The following UNC5D variants were observed in gnomAD, a reference collection of about 807,000 sequenced individuals.
UNC5D encodes the protein unc-5 netrin receptor D.
A neutral mutation model predicts 105.4 loss-of-function variants in UNC5D; 39 were observed. The ratio of observed to expected loss-of-function variants is 0.37; its 90% CI spans 0.29 to 0.48. The LOEUF (loss-of-function observed/expected upper bound fraction) is 0.48, where lower values mean the gene tolerates loss of function less well. Among genes scored for constraint, UNC5D ranks in the 20% least tolerant of loss-of-function variants. The pLI, the probability that UNC5D is intolerant of heterozygous loss-of-function variation, is 0.98. For missense variants in UNC5D, 991 were observed against 1,202.4 expected, an observed-to-expected ratio of 0.82 and a Z score of 2.60; for synonymous variants, 452 against 450.4, an observed-to-expected ratio of 1.00 and a Z score of -0.04.
At chr8:35,578,692 T>A (rs535483869) in intron 3 of UNC5D, among the ~76,000 whole-genome samples, 3 of 152,342 alleles carry the variant, frequency 2.0e-5, no homozygotes, top group African/African-American at 7.2e-5. Context: ...TAATAGACAG[T>A]GTGAGCAACA....
At chr8:35,425,767 G>T (rs898552064) in intron 1 of UNC5D, among the ~76,000 whole-genome samples, 8 of 152,056 alleles carry the variant, frequency 5.3e-5, no homozygotes, top group Non-Finnish European at 8.8e-5. Context: ...ATTTGTGAGG[G>T]TTTGTTTTCT....
intron 3 of UNC5D, among the ~76,000 whole-genome samples, chr8:35,568,688 A>G (rs893038675): frequency 6.6e-6 from 1 of 152,238 alleles, no homozygotes; most frequent in Non-Finnish European, 1.5e-5. Flanking sequence ...GAGAGACTCC[A>G]TCTCAAAACA....
At chr8:35,242,953 G>A (rs556759560) in intron 1 of UNC5D, among the ~76,000 whole-genome samples, 14 of 152,214 alleles carry the variant, frequency 9.2e-5, no homozygotes, top group Admixed American at 9.2e-4. Flanking sequence ...GGAGAGAAGG[G>A]GAAGTCAAAT....
intron 1 of UNC5D, among the ~76,000 whole-genome samples, chr8:35,530,760 C>G (rs1205561487): frequency 7.2e-6 from 1 of 138,042 alleles, no homozygotes; most frequent in East Asian, 2.1e-4. Flanking sequence ...CAACTTCTTC[C>G]TGGTTTAGTC....
Position 35,246,026 on chromosome 8 carries a change from T to C in UNC5D, c.103+10139T>C, listed in dbSNP as rs181149106. ...TATGCTCGGTCTTTTCTTGTTTCCT[T>C]TCTCCTCTTCAAGTCAAAACTTCCT... On this transcript the variant is annotated intron_variant, in intron 1 of 16. Transcript: ENST00000404895. Among the ~76,000 whole-genome samples the C allele has an allele frequency of 1.5e-4, 23 of 152,254 alleles. No homozygotes were observed. In the East Asian group the frequency reaches 4.5e-3, roughly 29 times the overall value.
chr8:35,287,885 A>G (rs1806728053), intron 1 of UNC5D, among the ~76,000 whole-genome samples: 2 of 152,180 alleles, frequency 1.3e-5, no homozygotes, highest in African/African-American at 4.8e-5. Flanking sequence ...AGTGAGTTCA[A>G]ATATAGGACA....
chr8:35,463,151 C>T (rs989959705), intron 1 of UNC5D, among the ~76,000 whole-genome samples: 1 of 152,108 alleles, frequency 6.6e-6, no homozygotes, highest in Non-Finnish European at 1.5e-5. Context: ...TGGATGGGTT[C>T]CCACAAACTA....
At chr8:35,240,882 C>T (rs1296439123) in intron 1 of UNC5D, among the ~76,000 whole-genome samples, 1 of 152,160 alleles carries the variant, frequency 6.6e-6, no homozygotes, top group Non-Finnish European at 1.5e-5. Flanking sequence ...GCTTACTATA[C>T]TTTGGGATTG....
At chr8:35,731,589 T>TC (rs1829202258) in intron 11 of UNC5D, among the ~76,000 whole-genome samples, 1 of 151,872 alleles carries the variant, frequency 6.6e-6, no homozygotes, top group Admixed American at 6.6e-5. Context: ...CATACATGAC[T>TC]CCACAGTTTT....
At chr8:35,466,601 C>A (rs777794162) in intron 1 of UNC5D, among the ~76,000 whole-genome samples, 61 of 152,070 alleles carry the variant, frequency 4.0e-4, no homozygotes, top group Non-Finnish European at 2.8e-4. Context: ...TTTCTATTAT[C>A]CCATGAGACT....
chr8:35,528,071 G>GTT (rs1814022541), intron 1 of UNC5D, among the ~76,000 whole-genome samples: 4 of 113,884 alleles, frequency 3.5e-5, no homozygotes, highest in African/African-American at 1.4e-4. Context: ...TATACTTTAA[G>GTT]TTTTAGGGTA....
At position 35,628,890 on chromosome 8, in the gene UNC5D, A is replaced by C. The variant is rs1052180813; in HGVS notation, c.570+33233A>C. 2.0e-5 allele frequency among the ~76,000 whole-genome samples: 3 copies of C among 152,144 alleles called. No individual in the cohort carries two copies. In the South Asian group the frequency reaches 6.2e-4, roughly 32 times the overall value. ...AATTAGTGATTGTCAAATCTGGATA[A>C]AATTATAATAATTATATAGGCTTAT... On this transcript the variant is annotated intron_variant, in intron 4 of 16. Transcript: ENST00000404895.
intron 1 of UNC5D, among the ~76,000 whole-genome samples, chr8:35,424,630 C>T (rs1276794942): frequency 6.6e-6 from 1 of 152,152 alleles, no homozygotes; most frequent in Non-Finnish European, 1.5e-5. Context: ...GGGTGGGAGG[C>T]TTTCACATCT....
intron 1 of UNC5D, among the ~76,000 whole-genome samples, chr8:35,325,435 T>C (rs1288675351): frequency 2.0e-5 from 3 of 152,066 alleles, no homozygotes; most frequent in Non-Finnish European, 4.4e-5. Context: ...AAAGTAAGAT[T>C]GAAAAACCTA....
At chr8:35,741,135 A>G (rs1829738811) in intron 11 of UNC5D, among the ~76,000 whole-genome samples, 1 of 152,190 alleles carries the variant, frequency 6.6e-6, no homozygotes, top group African/African-American at 2.4e-5. Flanking sequence ...TGAGGCTTAA[A>G]TTGTGTCTAG....
chr8:35,382,721 C>T (rs1803120678), intron 1 of UNC5D, among the ~76,000 whole-genome samples: 1 of 152,146 alleles, frequency 6.6e-6, no homozygotes, highest in Non-Finnish European at 1.5e-5. Flanking sequence ...GCTGTCATAT[C>T]TCAAGAAGGG....
At chr8:35,466,607 A>G (rs1333529165) in intron 1 of UNC5D, among the ~76,000 whole-genome samples, 1 of 152,164 alleles carries the variant, frequency 6.6e-6, no homozygotes, top group African/African-American at 2.4e-5. Context: ...TTATCCCATG[A>G]GACTATTTCT....
At chr8:35,249,559 AAATAATAAT>A (rs148177480) in intron 1 of UNC5D, among the ~76,000 whole-genome samples, 29,297 of 142,378 alleles carry the variant, frequency 0.21, 3,269 homozygotes, top group South Asian at 0.26. Context: ...CTCTGTCTCA[AAATAATAAT>A]AATAATAATA....
chr8:35,399,136 C>T (rs1478221259), intron 1 of UNC5D, among the ~76,000 whole-genome samples: 1 of 137,958 alleles, frequency 7.2e-6, no homozygotes, highest in Non-Finnish European at 1.5e-5. Flanking sequence ...CCTAGTGAGA[C>T]TCCATCTCCA....
Sources: allele counts gnomAD v4.1 joint callset (sites outside exome capture counted in the v4.1 genomes callset), GRCh38; gene constraint gnomAD v4.1.1; transcripts MANE v1.5; gene names NCBI Gene and HGNC (gene_info 2026-07-23, HGNC 2026-07-21).